DNAH8: variants seen among roughly 807,000 people sequenced by gnomAD.
The protein encoded by DNAH8 is axonemal beta dynein heavy chain 8.
In DNAH8, 382 loss-of-function variants were observed where a neutral mutation model predicts 562.1. The ratio of observed to expected loss-of-function variants is 0.68; its 90% confidence interval spans 0.63 to 0.74. The LOEUF (loss-of-function observed/expected upper bound fraction) is 0.74. DNAH8 is among the 30% of genes least tolerant of loss of function. The pLI, the probability that DNAH8 is intolerant of heterozygous loss-of-function variation, is 0.00. For missense variants in DNAH8, 5,203 were observed against 5,620.4 expected, an observed-to-expected ratio of 0.93 and a Z score of 2.37; for synonymous variants, 1,881 against 1,919.4, an observed-to-expected ratio of 0.98 and a Z score of 0.52.
rs572372083 is a variant in DNAH8, at chr6:38,836,353, A to G, written c.4366-1589A>G. ...TCCCAGCTACTCAGGAGGCTGAGGC[A>G]GGAGAATTGCTTGAACCTGGGAGGC... On this transcript the variant is annotated intron_variant, in intron 32 of 92. Coordinates refer to ENST00000327475, the MANE Select transcript of DNAH8 (RefSeq NM_001206927.2). Among the ~76,000 whole-genome samples the G allele has an allele frequency of 1.4e-3, 210 of 152,052 alleles. 1 individual carries two copies. The highest frequency in any genetic ancestry group is 3.9e-3 in the Admixed American group (59 of 15,288).
chr6:38,984,289 A>G lies in DNAH8; in HGVS notation c.13035A>G (p.Leu4345=), dbSNP rs1364652420. 3.1e-6 allele frequency: 5 copies of G among 1,603,878 alleles called. No homozygotes were observed. The highest frequency in any genetic ancestry group is 3.3e-5 in the Admixed American group (2 of 59,978). Residue 4345 remains leucine (L), a synonymous_variant, in exon 87 of 93, where the codon CTA becomes CTG. Transcript: ENST00000327475. ...TGACAGATGACTTTGACAAACGTCT[A>G]CTTAATTGCTTTGCCAGAGTAAGTC... The part of the protein sequence containing the change: ...GRVTDDFDKR[L]LNCFARVWFS...
At chr6:39,003,650 A>G (rs998405885) in intron 88 of DNAH8, among the ~76,000 whole-genome samples, 7 of 152,160 alleles carry the variant, frequency 4.6e-5, no homozygotes, top group South Asian at 4.1e-4. Flanking sequence ...ATTTTATTCT[A>G]TAATCCCCCA....
intron 62 of DNAH8, among the ~76,000 whole-genome samples, chr6:38,905,081 T>C (rs537075820): frequency 6.6e-6 from 1 of 152,296 alleles, no homozygotes; most frequent in East Asian, 1.9e-4. Context: ...TTTGGCTGAT[T>C]AGTTCAGAGA....
At chr6:38,753,084 C>G (rs187786081) in intron 9 of DNAH8, among the ~76,000 whole-genome samples, 5 of 152,172 alleles carry the variant, frequency 3.3e-5, no homozygotes, top group Admixed American at 1.3e-4. Flanking sequence ...ACCTCTCTCC[C>G]TTCCTCCCCA....
chr6:38,883,357 A>G lies in DNAH8; in HGVS notation c.8037A>G (p.Lys2679=). 6.2e-7 allele frequency: 1 copy of G among 1,612,888 alleles called. No individual in the cohort carries two copies. Among genetic ancestry groups the G allele is most frequent in the Non-Finnish European group, 8.5e-7 (1 of 1,179,396 alleles). ...TCACAGGAGAGCAGGGAACTGCAAA[A>G]ACTGTCATGGTTAAGGCCTATTTGA... is the stretch of plus-strand genomic sequence containing the variant. ...VLLTGEQGTA[K]TVMVKAYLKK... Residue 2679 remains lysine (K), a synonymous_variant, in exon 55 of 93, where the codon AAA becomes AAG. Coordinates refer to ENST00000327475, the MANE Select transcript of DNAH8 (RefSeq NM_001206927.2).
intron 82 of DNAH8, among the ~76,000 whole-genome samples, chr6:38,955,686 A>G (rs1762198530): frequency 6.6e-6 from 1 of 152,130 alleles, no homozygotes; most frequent in Non-Finnish European, 1.5e-5. Context: ...AGCAAGATGA[A>G]TTTATAGTGA....
chr6:38,807,717 G>A lies in DNAH8; in HGVS notation c.3257+1G>A. On this transcript the variant is annotated splice_donor_variant, in intron 24 of 92. Transcript: ENST00000327475. LOFTEE classifies it high-confidence loss of function. ...TGAAAAGAAGAATATTTGTTGCAAG[G>A]CAAGTTGAAAATATGCTAATTATGT... 1 of 1,495,258 alleles carries A rather than the reference G, an allele frequency of 6.7e-7. No individual in the cohort carries two copies. 92.6% of individuals were successfully genotyped at this position (1,495,258 alleles called of 1,614,324 possible). A position where few individuals can be genotyped will look rare whatever the true frequency, so the allele number is the denominator to read the frequency against.
intron 65 of DNAH8, 67 bp downstream of exon 65, chr6:38,909,811 G>C: frequency 8.1e-7 from 1 of 1,239,252 alleles, no homozygotes; most frequent in Non-Finnish European, 1.2e-6. Flanking sequence ...GGAATGCATT[G>C]TAACATCCAG....
Position 38,872,576 on chromosome 6 carries a change from T to A in DNAH8, c.7031T>A (p.Leu2344His), listed in dbSNP as rs1357454308. ...TTGGTACGGCATGGCTTGATGACTC[T>A]TGGGCCCAGTGGTTCTGGAAAGACA... ...TSLVRHGLMTLGPSGSGKTTV... is the reference protein window; with the variant it reads ...TSLVRHGLMTHGPSGSGKTTV... The change falls in exon 50 of 93, where the codon CTT (leucine) becomes CAT (histidine). Residue 2344 changes from leucine (L) to histidine (H), a missense_variant. Leu to His is a moderately conservative substitution (Grantham distance 99, BLOSUM62 -3). Coordinates refer to ENST00000327475, the MANE Select transcript of DNAH8 (RefSeq NM_001206927.2). 2.5e-6 allele frequency: 4 copies of A among 1,614,088 alleles called. No homozygotes were observed. Among genetic ancestry groups the A allele is most frequent in the Non-Finnish European group, 3.4e-6 (4 of 1,179,954 alleles).
At chr6:38,930,944 C>CTAT (rs1472203611) in intron 75 of DNAH8, among the ~76,000 whole-genome samples, 1 of 152,072 alleles carries the variant, frequency 6.6e-6, no homozygotes, top group African/African-American at 2.4e-5. Context: ...AACCACTGTT[C>CTAT]TATTCTCTGC....
chr6:39,001,122 T>G (rs1765453365), intron 88 of DNAH8, among the ~76,000 whole-genome samples: 1 of 152,180 alleles, frequency 6.6e-6, no homozygotes, highest in Non-Finnish European at 1.5e-5. Context: ...GAGTGGCCGA[T>G]GCAGAGTGTG....
intron 39 of DNAH8, 67 bp from the exon 40 acceptor site, chr6:38,852,627 G>C: frequency 9.0e-7 from 1 of 1,111,440 alleles, no homozygotes. Context: ...AAATATTAAG[G>C]CTTTTAAAAA....
At chr6:38,883,812 T>C in intron 55 of DNAH8, 64 bp from the exon 56 acceptor site, 1 of 1,311,576 alleles carries the variant, frequency 7.6e-7, no homozygotes, top group Non-Finnish European at 1.0e-6. Flanking sequence ...ACAAGAATGC[T>C]CATTATTTTT....
rs113242247 is a variant in DNAH8 at position 38,999,141 on chromosome 6, C to T, written c.13214+8969C>T. ...TTCCCAACATCTATGTTTTGAGGCC[C>T]GTGTTCAGATCATCTCATAAAAAAT... On this transcript the variant is annotated intron_variant, in intron 88 of 92. Transcript: ENST00000327475. Among the ~76,000 whole-genome samples the T allele has an allele frequency of 2.0e-3, 304 of 152,198 alleles. 1 individual carries two copies. The highest frequency in any genetic ancestry group is 6.9e-3 in the African/African-American group (286 of 41,526).
intron 91 of DNAH8, among the ~76,000 whole-genome samples, chr6:39,013,130 T>C (rs1003599496): frequency 3.3e-5 from 5 of 152,164 alleles, no homozygotes; most frequent in Non-Finnish European, 5.9e-5. Flanking sequence ...CCTGAAAGAG[T>C]GCTTTATAAT....
intron 29 of DNAH8, among the ~76,000 whole-genome samples, chr6:38,827,492 A>G (rs1345474799): frequency 2.6e-5 from 4 of 152,052 alleles, no homozygotes; most frequent in African/African-American, 9.7e-5. Flanking sequence ...ATTGCCTACA[A>G]TATCTGGGGA....
At chr6:38,900,498 A>C (rs994908600) in intron 62 of DNAH8, among the ~76,000 whole-genome samples, 4 of 152,180 alleles carry the variant, frequency 2.6e-5, no homozygotes, top group African/African-American at 9.7e-5. Context: ...ATTTAGCTTT[A>C]GTTGATCTGC....
At position 38,805,572 on chromosome 6, in the gene DNAH8, T is replaced by G. The variant is rs190247264; in HGVS notation, c.3126T>G (p.His1042Gln). ...EANIVNEFDT[H>Q]DKEDEFKKEC... ...ATATTGTGAATGAGTTTGATACTCA[T>G]GATAAAGAAGATGAATTTAAAAAGG... is the stretch of plus-strand genomic sequence containing the variant. The change falls in exon 23 of 93, where the codon CAT (histidine) becomes CAG (glutamine). Residue 1042 changes from histidine (H) to glutamine (Q), a missense_variant. His to Gln is a conservative substitution (Grantham distance 24, BLOSUM62 0). This residue lies in a region of DNAH8 where 2,176 missense variants were observed against 2,365.1 expected (regional missense o/e 0.92). Transcript: ENST00000327475. 12 of 1,578,118 alleles carry G rather than the reference T, an allele frequency of 7.6e-6. No individual in the cohort carries two copies. In the African/African-American group the frequency reaches 1.5e-4, roughly 19 times the overall value.
chr6:38,757,204 A>G (rs549141496), intron 10 of DNAH8, among the ~76,000 whole-genome samples: 3 of 151,290 alleles, frequency 2.0e-5, no homozygotes, highest in Admixed American at 1.3e-4. Flanking sequence ...CTTTTTAATG[A>G]TCGCCATTCT....
Sources: allele counts gnomAD v4.1 joint callset (sites outside exome capture counted in the v4.1 genomes callset), GRCh38; gene constraint gnomAD v4.1.1; regional missense constraint gnomAD v4.1.1; transcripts MANE v1.5; gene names NCBI Gene and HGNC (gene_info 2026-07-23, HGNC 2026-07-21).